Variants in NRG3 observed in about 807,000 individuals in gnomAD.
NRG3 encodes neuregulin 3.
A neutral mutation model predicts 66.9 loss-of-function variants in NRG3; 31 were observed. The observed-to-expected ratio is 0.46, with a 90% CI of 0.35 to 0.63. The LOEUF is 0.63. Among genes scored for constraint, NRG3 ranks in the 20% least tolerant of loss-of-function variants. The pLI, the probability that NRG3 is intolerant of heterozygous loss-of-function variation, is 0.00. For synonymous variants in NRG3, 393 were observed against 359.4 expected (o/e 1.09, Z -1.06); for missense variants, 910 against 878.9 (o/e 1.04, Z -0.45).
chr10:81,986,688 TTTTTA>T (rs1219367516), intron 1 of NRG3, among the ~76,000 whole-genome samples: 2 of 152,162 alleles, frequency 1.3e-5, no homozygotes, highest in Non-Finnish European at 2.9e-5. Context: ...TCATTTGAAT[TTTTTA>T]TTTTATTTTA....
chr10:82,554,829 A>G (rs369768757), intron 2 of NRG3, among the ~76,000 whole-genome samples: 2 of 152,326 alleles, frequency 1.3e-5, no homozygotes, highest in South Asian at 4.1e-4. Context: ...CTACATATTG[A>G]TGTTAAGACA....
chr10:82,371,581 C>T (rs961555775), intron 2 of NRG3, among the ~76,000 whole-genome samples: 1 of 151,980 alleles, frequency 6.6e-6, no homozygotes, highest in Non-Finnish European at 1.5e-5. Context: ...ATGACAAGTT[C>T]TGTGATAGAT....
At chr10:82,379,461 T>C (rs933356714) in intron 2 of NRG3, among the ~76,000 whole-genome samples, 3 of 152,058 alleles carry the variant, frequency 2.0e-5, no homozygotes, top group Non-Finnish European at 2.9e-5. Flanking sequence ...AAAGAGAGAA[T>C]ACTAGATAGA....
chr10:82,754,512 TA>T (rs2058999524), intron 3 of NRG3, among the ~76,000 whole-genome samples: 1 of 146,974 alleles, frequency 6.8e-6, no homozygotes, highest in Non-Finnish European at 1.5e-5. Context: ...GAGAGAAGAT[TA>T]AAATAACAGA....
intron 4 of NRG3, among the ~76,000 whole-genome samples, chr10:82,893,488 G>A: frequency 6.6e-6 from 1 of 152,182 alleles, no homozygotes; most frequent in East Asian, 1.9e-4. Context: ...AGGAGATCGA[G>A]ACCACCCTGG....
intron 4 of NRG3, among the ~76,000 whole-genome samples, chr10:82,871,215 A>G (rs1302806607): frequency 1.3e-5 from 2 of 151,644 alleles, no homozygotes; most frequent in East Asian, 3.9e-4. Context: ...CTCCTTTGTC[A>G]AAGATCAGCT....
intron 4 of NRG3, among the ~76,000 whole-genome samples, chr10:82,947,753 T>C (rs995190461): frequency 2.0e-5 from 3 of 152,146 alleles, no homozygotes; most frequent in Non-Finnish European, 4.4e-5. Context: ...AACTATGTTT[T>C]GCTCACATTT....
At chr10:82,698,098 G>C (rs1464305403) in intron 2 of NRG3, among the ~76,000 whole-genome samples, 1 of 152,066 alleles carries the variant, frequency 6.6e-6, no homozygotes, top group Non-Finnish European at 1.5e-5. Context: ...TAACCTCCTA[G>C]ATTTTTCTCA....
intron 1 of NRG3, among the ~76,000 whole-genome samples, chr10:82,269,395 T>C (rs1234074547): frequency 6.6e-6 from 1 of 152,124 alleles, no homozygotes; most frequent in Non-Finnish European, 1.5e-5. Context: ...GGAAAAGTCT[T>C]TGGAGAGTTT....
At chr10:82,603,635 G>C (rs1206786821) in intron 2 of NRG3, among the ~76,000 whole-genome samples, 1 of 151,870 alleles carries the variant, frequency 6.6e-6, no homozygotes, top group Non-Finnish European at 1.5e-5. Flanking sequence ...AAGCTTAAGA[G>C]AAAGAAAAAG....
chr10:82,812,771 A>T (rs1352863145), intron 3 of NRG3, among the ~76,000 whole-genome samples: 1 of 152,214 alleles, frequency 6.6e-6, no homozygotes, highest in African/African-American at 2.4e-5. Flanking sequence ...ACTCAGTAGA[A>T]ACTAACATGT....
chr10:82,438,095 C>T (rs1429302527), intron 2 of NRG3, among the ~76,000 whole-genome samples: 1 of 152,080 alleles, frequency 6.6e-6, no homozygotes, highest in Non-Finnish European at 1.5e-5. Flanking sequence ...GTGTGCTTCA[C>T]TGGGGGGAAA....
chr10:82,475,308 TAA>T (rs1457057671), intron 2 of NRG3, among the ~76,000 whole-genome samples: 1 of 152,066 alleles, frequency 6.6e-6, no homozygotes, highest in East Asian at 1.9e-4. Flanking sequence ...CAAATAATTA[TAA>T]GACAGTATTA....
chr10:82,199,969 A>G (rs2074701211), intron 1 of NRG3, among the ~76,000 whole-genome samples: 1 of 151,898 alleles, frequency 6.6e-6, no homozygotes, highest in South Asian at 2.1e-4. Context: ...CACTTAGGAC[A>G]TCACTGTGGA....
chr10:82,950,719 C>T (rs1407864625), intron 4 of NRG3, among the ~76,000 whole-genome samples: 1 of 152,168 alleles, frequency 6.6e-6, no homozygotes, highest in East Asian at 1.9e-4. Context: ...AGAGAAACTG[C>T]TGGGTTCTAC....
intron 4 of NRG3, among the ~76,000 whole-genome samples, chr10:82,910,323 T>C (rs1016738612): frequency 2.6e-5 from 4 of 152,216 alleles, no homozygotes; most frequent in African/African-American, 7.2e-5. Flanking sequence ...TTTGGTGTTA[T>C]TGCCCCAGAA....
intron 1 of NRG3, among the ~76,000 whole-genome samples, chr10:82,258,920 G>T (rs561119819): frequency 1.3e-5 from 2 of 152,210 alleles, no homozygotes; most frequent in African/African-American, 2.4e-5. Flanking sequence ...CTTGGAACTC[G>T]GGAAATTAGA....
At position 82,676,257 on chromosome 10, in the gene NRG3, A is replaced by G. The variant is rs377422718; in HGVS notation, c.954-62320A>G. 1.8e-4 allele frequency among the ~76,000 whole-genome samples: 27 copies of G among 152,316 alleles called. No individual in the cohort carries two copies. In the South Asian group the frequency reaches 2.5e-3, roughly 14 times the overall value. ...CAAAATTGAACTTCTGTCTTCATTA[A>G]TAATCATAAGCTACCACATATTATG... On this transcript the variant is annotated intron_variant, in intron 2 of 8. Transcript: ENST00000372141.
intron 2 of NRG3, among the ~76,000 whole-genome samples, chr10:82,510,331 T>C (rs1845058682): frequency 6.6e-6 from 1 of 152,122 alleles, no homozygotes; most frequent in African/African-American, 2.4e-5. Context: ...AATTTCAAAT[T>C]CCCACAAGTG....
Sources: gnomAD v4.1 joint callset for allele counts (sites outside exome capture counted in the v4.1 genomes callset) on GRCh38, gnomAD v4.1.1 for gene constraint, MANE v1.5 for transcripts, NCBI Gene and HGNC (gene_info 2026-07-23, HGNC 2026-07-21) for gene names.